GNAZ: variants seen among roughly 807,000 people sequenced by gnomAD.
The protein encoded by GNAZ is guanine nucleotide-binding protein G(z) subunit alpha.
GNAZ carries 3 observed loss-of-function variants against 25.4 expected under a neutral mutation model. That is an observed-to-expected ratio of 0.12 (90% CI 0.05 to 0.30). The LOEUF is 0.30. Among genes scored for constraint, GNAZ ranks in the 10% least tolerant of loss-of-function variants. The pLI, the probability that GNAZ is intolerant of heterozygous loss-of-function variation, is 1.00. For synonymous variants in GNAZ, 211 were observed against 205.7 expected (o/e 1.03, Z -0.22); for missense variants, 241 against 501.8 (o/e 0.48, Z 4.97).
At chr22:23,113,694 G>A (rs1042400479) in intron 2 of GNAZ, among the ~76,000 whole-genome samples, 2 of 152,218 alleles carry the variant, frequency 1.3e-5, no homozygotes, top group Non-Finnish European at 2.9e-5. Flanking sequence ...CCAGGACCTC[G>A]GCGCATCATC....
At chr22:23,080,451 G>A (rs1203790392) in intron 1 of GNAZ, among the ~76,000 whole-genome samples, 4 of 152,236 alleles carry the variant, frequency 2.6e-5, no homozygotes, top group African/African-American at 9.7e-5. Context: ...TTGTCTGTAG[G>A]ATGGGGACAC....
intron 1 of GNAZ, among the ~76,000 whole-genome samples, chr22:23,093,184 C>A (rs1011653772): frequency 1.4e-4 from 22 of 152,224 alleles, no homozygotes; most frequent in African/African-American, 5.1e-4. Context: ...CTCAAGGCTT[C>A]CATTCTCAGA....
chr22:23,106,691 G>A (rs1435338037), intron 2 of GNAZ, among the ~76,000 whole-genome samples: 1 of 152,268 alleles, frequency 6.6e-6, no homozygotes, highest in Non-Finnish European at 1.5e-5. Flanking sequence ...GCCCAGAGAC[G>A]TGAGCGGTTG....
intron 1 of GNAZ, among the ~76,000 whole-genome samples, chr22:23,078,045 C>T (rs2068554420): frequency 6.6e-6 from 1 of 152,224 alleles, no homozygotes; most frequent in Admixed American, 6.5e-5. Context: ...GCCAGCCCCA[C>T]CCAGCCCTCT....
At position 23,095,953 on chromosome 22, in the gene GNAZ, G is replaced by T. The variant is rs569665480; in HGVS notation, c.258G>T (p.Arg86=). The T allele has an allele frequency of 1.2e-6, 2 of 1,612,258 alleles. No individual in the cohort carries two copies. The highest frequency in any genetic ancestry group is 8.5e-7 in the Non-Finnish European group (1 of 1,180,040). ...TCGACTCGCTGACCCGCATCATCCGGGCCCTGGCCGCCCTCAGGATCGACT... is the reference window on the plus strand; with the variant it reads ...TCGACTCGCTGACCCGCATCATCCGTGCCCTGGCCGCCCTCAGGATCGACT... The part of the protein sequence containing the change: ...NAIDSLTRII[R]ALAALRIDFH... The change falls in exon 2 of 3, where the codon CGG becomes CGT. Residue 86 remains arginine, a synonymous_variant. Transcript: ENST00000615612.
chr22:23,112,457 G>A (rs1380515591), intron 2 of GNAZ, among the ~76,000 whole-genome samples: 1 of 152,160 alleles, frequency 6.6e-6, no homozygotes, highest in African/African-American at 2.4e-5. Context: ...ATGCCAGGGT[G>A]CAGCCAGGAG....
At chr22:23,079,550 T>C (rs6003497) in intron 1 of GNAZ, among the ~76,000 whole-genome samples, 14,172 of 152,180 alleles carry the variant, frequency 0.093, 1,486 homozygotes, top group African/African-American at 0.25. Context: ...GGTCTGCCCA[T>C]GTCAAGCAAG....
rs17853741 is a variant in GNAZ at position 23,095,888 on chromosome 22, G to A, written c.193G>A (p.Ala65Thr). 1.9e-6 allele frequency: 3 copies of A among 1,613,704 alleles called. No individual in the cohort carries two copies. The highest frequency in any genetic ancestry group is 1.7e-5 in the Admixed American group (1 of 60,034). Residue 65 changes from alanine (A) to threonine (T), a missense_variant, in exon 2 of 3, where the codon GCC (alanine) becomes ACC (threonine). Physicochemically the swap from Ala to Thr is moderately conservative, Grantham distance 58. Coordinates refer to ENST00000615612, the MANE Select transcript of GNAZ (RefSeq NM_002073.4). ...CCACAGCGGCGGCTTCAACCTGGAGGCCTGCAAGGAGTACAAGCCCCTCAT... is the reference window on the plus strand; with the variant it reads ...CCACAGCGGCGGCTTCAACCTGGAGACCTGCAAGGAGTACAAGCCCCTCAT... ...IIHSGGFNLE[A>T]CKEYKPLIIY... is the part of the protein sequence containing the mutation.
chr22:23,092,782 C>T (rs951901704), intron 1 of GNAZ, among the ~76,000 whole-genome samples: 1 of 152,242 alleles, frequency 6.6e-6, no homozygotes, highest in African/African-American at 2.4e-5. Context: ...ATCACACATC[C>T]TTGGACAGAG....
rs1008878257 is a variant in GNAZ at position 23,100,076 on chromosome 22, C to G, written c.723+3658C>G. ...GACGGAGCTGTCAGCATTCCCAGCC[C>G]TGTGGCGGGTCTGTTTTGCACCTGT... On this transcript the variant is annotated intron_variant, in intron 2 of 2. Transcript: ENST00000615612. Among the ~76,000 whole-genome samples, 5 of 152,378 alleles carry G rather than the reference C, an allele frequency of 3.3e-5. No homozygotes were observed. The South Asian group carries it at 1.0e-3, about 32-fold the overall frequency.
intron 2 of GNAZ, among the ~76,000 whole-genome samples, chr22:23,106,379 T>C (rs768085967): frequency 1.2e-4 from 19 of 152,214 alleles, no homozygotes; most frequent in Admixed American, 9.8e-4. Context: ...GGGAGAGCTC[T>C]GCCCAGTGGG....
intron 2 of GNAZ, among the ~76,000 whole-genome samples, chr22:23,108,469 G>A (rs781122700): frequency 6.6e-6 from 1 of 152,256 alleles, no homozygotes; most frequent in Non-Finnish European, 1.5e-5. Flanking sequence ...TGACAGAGAC[G>A]GAAGCAGGAG....
At chr22:23,116,578 TC>T (rs1302107391) in intron 2 of GNAZ, among the ~76,000 whole-genome samples, 5 of 152,206 alleles carry the variant, frequency 3.3e-5, no homozygotes, top group Non-Finnish European at 7.3e-5. Flanking sequence ...CACTCTGGGC[TC>T]CTCAGGGAGC....
At chr22:23,091,959 C>G (rs58292434) in intron 1 of GNAZ, among the ~76,000 whole-genome samples, 1 of 152,124 alleles carries the variant, frequency 6.6e-6, no homozygotes, top group Non-Finnish European at 1.5e-5. Flanking sequence ...CATCCCCACA[C>G]ACCGCAGGGC....
In GNAZ at chr22:23,124,335, G is replaced by T; in HGVS notation, c.*904G>T. The T allele has an allele frequency of 1.0e-5, 4 of 398,230 alleles. No individual in the cohort carries two copies. Among genetic ancestry groups the T allele is most frequent in the Non-Finnish European group, 2.1e-5 (4 of 188,078 alleles). 24.7% of individuals were successfully genotyped at this position (398,230 alleles called of 1,614,324 possible). On this transcript the variant is annotated 3_prime_UTR_variant, in exon 3 of 3. Transcript: ENST00000615612. ...TTCAAAACATATTTTTTTTCAGGTG[G>T]TCTTTTTTGTGTCTGGCTTGCTGAG...
chr22:23,086,750 G>A (rs905928657), intron 1 of GNAZ, among the ~76,000 whole-genome samples: 1 of 152,260 alleles, frequency 6.6e-6, no homozygotes, highest in African/African-American at 2.4e-5. Context: ...GGGAAATGCA[G>A]TCATGGGGCT....
At chr22:23,107,472 G>A (rs939918582) in intron 2 of GNAZ, among the ~76,000 whole-genome samples, 15 of 152,192 alleles carry the variant, frequency 9.9e-5, no homozygotes, top group Non-Finnish European at 1.3e-4. Flanking sequence ...GCCTGAGAGT[G>A]TCTGAGGACA....
intron 1 of GNAZ, among the ~76,000 whole-genome samples, chr22:23,073,093 T>C (rs1023038037): frequency 4.6e-5 from 7 of 152,262 alleles, no homozygotes; most frequent in African/African-American, 1.7e-4. Flanking sequence ...GGCAGCCCTG[T>C]GCTGTCTGTC....
chr22:23,118,300 G>A (rs1280719076), intron 2 of GNAZ, among the ~76,000 whole-genome samples: 1 of 152,238 alleles, frequency 6.6e-6, no homozygotes, highest in African/African-American at 2.4e-5. Flanking sequence ...GCTTCTCACA[G>A]GAACTGTCTG....
Sources: allele counts gnomAD v4.1 joint callset (sites outside exome capture counted in the v4.1 genomes callset), GRCh38; gene constraint gnomAD v4.1.1; transcripts MANE v1.5; gene names NCBI Gene and HGNC (gene_info 2026-07-23, HGNC 2026-07-21).